DOCK8: variants seen among roughly 807,000 people sequenced by gnomAD.
The protein encoded by DOCK8 is dedicator of cytokinesis 8.
DOCK8 carries 141 observed loss-of-function variants against 245.6 expected under a neutral mutation model. The ratio of observed to expected loss-of-function variants is 0.57; its 90% CI spans 0.50 to 0.66. The LOEUF (loss-of-function observed/expected upper bound fraction) is 0.66. Among genes scored for constraint, DOCK8 ranks in the 30% least tolerant of loss-of-function variants. The pLI, the probability that DOCK8 is intolerant of heterozygous loss-of-function variation, is 0.00. For missense variants in DOCK8, 2,965 were observed against 2,603.4 expected, an observed-to-expected ratio of 1.14 and a Z score of -3.02; for synonymous variants, 1,168 against 970.2, an observed-to-expected ratio of 1.20 and a Z score of -3.79.
intron 33 of DOCK8, among the ~76,000 whole-genome samples, chr9:426,338 C>T (rs144077939): frequency 4.6e-5 from 7 of 152,290 alleles, no homozygotes; most frequent in African/African-American, 7.2e-5. Context: ...AAAGACCCCA[C>T]GCACTTGGCT....
Position 451,933 on chromosome 9 carries a change from G to GTA in DOCK8, c.5962-68_5962-67dup, listed in dbSNP as rs1470196499. 3.5e-3 allele frequency: 1,080 copies of GTA among 307,294 alleles called. 16 individuals carry two copies. In the East Asian group the frequency reaches 0.053, roughly 15 times the overall value. The allele number at this position is 307,294 out of a possible 1,614,324, so 19.0% of individuals were successfully genotyped here. On this transcript the variant is annotated intron_variant, in intron 45 of 47. Coordinates refer to ENST00000432829, the MANE Select transcript of DOCK8 (RefSeq NM_203447.4). ...TATGCATATACATATATATGTATGT[G>GTA]TATATATATATGTGTGTGTGTGTAT...
At chr9:416,328 C>A (rs573301826) in intron 29 of DOCK8, among the ~76,000 whole-genome samples, 1 of 152,316 alleles carries the variant, frequency 6.6e-6, no homozygotes, top group East Asian at 1.9e-4. Flanking sequence ...TCCTTGATGG[C>A]AAGTTTCTAA....
chr9:444,045 G>C (rs4741932), intron 43 of DOCK8, among the ~76,000 whole-genome samples: 1 of 151,954 alleles, frequency 6.6e-6, no homozygotes, highest in African/African-American at 2.4e-5. Context: ...ATCCAAGTCC[G>C]GGATCACTGT....
At chr9:267,407 T>C (rs1401560307) in intron 1 of DOCK8, among the ~76,000 whole-genome samples, 2 of 152,172 alleles carry the variant, frequency 1.3e-5, no homozygotes, top group African/African-American at 2.4e-5. Flanking sequence ...GGTTTCACCA[T>C]GTTGCCCAGG....
chr9:391,520 A>G (rs1222502240), intron 24 of DOCK8, among the ~76,000 whole-genome samples: 1 of 152,198 alleles, frequency 6.6e-6, no homozygotes, highest in Non-Finnish European at 1.5e-5. Flanking sequence ...AGCAAAAGGT[A>G]TAGCCATAAT....
At chr9:447,599 C>G (rs2057304622) in intron 44 of DOCK8, among the ~76,000 whole-genome samples, 1 of 152,168 alleles carries the variant, frequency 6.6e-6, no homozygotes, top group African/African-American at 2.4e-5. Context: ...CTTGTCCAAC[C>G]ATTTGGCTTG....
chr9:253,393 C>G (rs1767751411), intron 1 of DOCK8, among the ~76,000 whole-genome samples: 1 of 152,116 alleles, frequency 6.6e-6, no homozygotes, highest in Admixed American at 6.5e-5. Context: ...CCCATTGTAC[C>G]TACTCAAAGC....
At chr9:435,745 G>A (rs924803699) in intron 39 of DOCK8, among the ~76,000 whole-genome samples, 11 of 152,160 alleles carry the variant, frequency 7.2e-5, no homozygotes, top group African/African-American at 2.4e-4. Context: ...AAGCTGGCTC[G>A]GATGGGGATG....
At chr9:261,081 G>C (rs1268279828) in intron 1 of DOCK8, among the ~76,000 whole-genome samples, 1 of 143,214 alleles carries the variant, frequency 7.0e-6, no homozygotes, top group African/African-American at 2.6e-5. Flanking sequence ...GCAAGACTCC[G>C]TCTCAAAAAA....
chr9:422,054 A>G lies in DOCK8; in HGVS notation c.4160A>G (p.Asp1387Gly). 6.2e-7 allele frequency: 1 copy of G among 1,613,986 alleles called. No individual in the cohort carries two copies. Among genetic ancestry groups the G allele is most frequent in the Non-Finnish European group, 8.5e-7 (1 of 1,179,914 alleles). The change falls in exon 33 of 48, where the codon GAC (aspartate) becomes GGC (glycine). Residue 1387 changes from aspartate to glycine, a missense_variant. Physicochemically the swap from Asp to Gly is moderately conservative, Grantham distance 94. Transcript: ENST00000432829. ...TGCATTTCTTAACTCCTAGGGAACG[A>G]CCGATTTCCAGGCCTAAATGAAAAT... is the stretch of plus-strand genomic sequence containing the variant. ...EMMRRRAPGN[D>G]RFPGLNENLR...
intron 14 of DOCK8, among the ~76,000 whole-genome samples, chr9:355,863 G>A (rs549531085): frequency 4.6e-5 from 7 of 152,284 alleles, no homozygotes; most frequent in African/African-American, 1.7e-4. Flanking sequence ...ACAGAGTACT[G>A]AGTGAAATGG....
chr9:275,475 A>G (rs891835494), intron 2 of DOCK8, among the ~76,000 whole-genome samples: 3 of 152,204 alleles, frequency 2.0e-5, no homozygotes, highest in South Asian at 4.1e-4. Flanking sequence ...GGACAATTCA[A>G]TCAGAATTCC....
rs150222390 is a variant in DOCK8 at position 372,677 on chromosome 9, G to C, written c.2109+391G>C. Among the ~76,000 whole-genome samples the C allele has an allele frequency of 4.9e-3, 743 of 152,204 alleles. 24 individuals are homozygous for C. The highest frequency in any genetic ancestry group is 0.043 in the Admixed American group (665 of 15,296). Reference sequence around the variant, plus strand: ...CTTGGGTCAGTTGTCACAGCCCTCCGGTAGATACCAAGGTATTTATTCTCC... The same window carrying C: ...CTTGGGTCAGTTGTCACAGCCCTCCCGTAGATACCAAGGTATTTATTCTCC... On this transcript the variant is annotated intron_variant, in intron 18 of 47. Coordinates refer to ENST00000432829, the MANE Select transcript of DOCK8 (RefSeq NM_203447.4).
intron 5 of DOCK8, among the ~76,000 whole-genome samples, chr9:311,639 C>T (rs978512867): frequency 6.6e-6 from 1 of 152,170 alleles, no homozygotes; most frequent in African/African-American, 2.4e-5. Context: ...TTGGCCCCCC[C>T]AGCCCCAGGA....
chr9:434,051 A>G, intron 38 of DOCK8, 76 bp downstream of exon 38: 2 of 1,015,554 alleles, frequency 2.0e-6, no homozygotes, highest in Non-Finnish European at 1.6e-6. Flanking sequence ...TTACTAATGT[A>G]ATGATCACAG....
chr9:264,803 A>C (rs1009309641), intron 1 of DOCK8, among the ~76,000 whole-genome samples: 2 of 152,304 alleles, frequency 1.3e-5, no homozygotes, highest in East Asian at 3.9e-4. Flanking sequence ...TCCAGGAACT[A>C]CTCACTCTTG....
In DOCK8 at chr9:442,003, A is replaced by T; in HGVS notation, c.5484A>T (p.Arg1828Ser). ...CCAAGCTTCCTGAGATCTCACATAG[A>T]CTAGAGGTAAGAAAAGTGATTCTGT... is the stretch of plus-strand genomic sequence containing the variant. The part of the protein sequence containing the change: ...AITKLPEISH[R>S]LEAFYGQCFG... The change falls in exon 42 of 48, where the codon AGA (arginine) becomes AGT (serine). Residue 1828 changes from arginine to serine, a missense_variant. Around this residue, in one of 3 missense-constraint regions of DOCK8, gnomAD observed 2,825 missense variants for 2,453.5 expected, o/e 1.15. Coordinates refer to ENST00000432829, the MANE Select transcript of DOCK8 (RefSeq NM_203447.4). 12 of 1,613,984 alleles carry T rather than the reference A, an allele frequency of 7.4e-6. No individual in the cohort carries two copies. Among genetic ancestry groups the T allele is most frequent in the Non-Finnish European group, 1.0e-5 (12 of 1,180,000 alleles).
At chr9:401,059 CATTGT>C (rs1314192818) in intron 26 of DOCK8, among the ~76,000 whole-genome samples, 3 of 88,262 alleles carry the variant, frequency 3.4e-5, no homozygotes, top group East Asian at 3.2e-4. Flanking sequence ...CCACCATCAT[CATTGT>C]CACCATCATC....
chr9:441,125 C>G (rs1161688374), intron 40 of DOCK8, among the ~76,000 whole-genome samples, 161 bp from the exon 41 acceptor site: 2 of 152,200 alleles, frequency 1.3e-5, no homozygotes, highest in Non-Finnish European at 2.9e-5. Context: ...AAGGCTACCA[C>G]TGTCCCAAAA....
Sources: allele counts gnomAD v4.1 joint callset (sites outside exome capture counted in the v4.1 genomes callset), GRCh38; gene constraint gnomAD v4.1.1; regional missense constraint gnomAD v4.1.1; transcripts MANE v1.5; gene names NCBI Gene and HGNC (gene_info 2026-07-23, HGNC 2026-07-21).